RBFOX1: variants seen among roughly 807,000 people sequenced by gnomAD.
The protein encoded by RBFOX1 is RNA binding fox-1 homolog 1, also known as RNA binding protein fox-1 homolog 1.
In RBFOX1, 8 loss-of-function variants were observed where a neutral mutation model predicts 57.7. The observed-to-expected ratio is 0.14, with a 90% CI of 0.08 to 0.25. The LOEUF (loss-of-function observed/expected upper bound fraction) is 0.25. Ranked by LOEUF, RBFOX1 falls within the 10% of genes least tolerant of loss-of-function variation. RBFOX1 has a pLI of 1.00. For synonymous variants in RBFOX1, 326 were observed against 222.4 expected, an observed-to-expected ratio of 1.47 and a Z score of -4.15; for missense variants, 611 against 548.5, an observed-to-expected ratio of 1.11 and a Z score of -1.14.
intron 2 of RBFOX1, among the ~76,000 whole-genome samples, chr16:6,507,226 A>G (rs1459882637): frequency 1.3e-5 from 2 of 152,162 alleles, no homozygotes; most frequent in African/African-American, 2.4e-5. Context: ...CATTATACAC[A>G]TGATAGACAA....
intron 3 of RBFOX1, among the ~76,000 whole-genome samples, chr16:5,699,420 C>G (rs1428271641): frequency 8.3e-6 from 1 of 120,548 alleles, no homozygotes; most frequent in Admixed American, 8.4e-5. Flanking sequence ...TAGTTTATTT[C>G]TTCTATGTTC....
intron 3 of RBFOX1, among the ~76,000 whole-genome samples, chr16:6,746,518 A>G (rs1378054025): frequency 6.6e-6 from 1 of 151,994 alleles, no homozygotes; most frequent in Non-Finnish European, 1.5e-5. Flanking sequence ...CTCAACAAAA[A>G]ATACAAAAAA....
intron 4 of RBFOX1, among the ~76,000 whole-genome samples, chr16:7,195,672 C>A (rs1211451126): frequency 6.6e-6 from 1 of 152,170 alleles, no homozygotes; most frequent in Non-Finnish European, 1.5e-5. Context: ...ATAGCCTCAG[C>A]CTCCCGAGTA....
chr16:7,006,973 T>C (rs951666888), intron 3 of RBFOX1, among the ~76,000 whole-genome samples: 2 of 152,194 alleles, frequency 1.3e-5, no homozygotes, highest in African/African-American at 4.8e-5. Context: ...CTGCCAGAAG[T>C]ACCACACATT....
chr16:5,889,780 G>T (rs1258366832), intron 4 of RBFOX1, among the ~76,000 whole-genome samples: 3 of 152,330 alleles, frequency 2.0e-5, no homozygotes, highest in East Asian at 3.9e-4. Flanking sequence ...TTTTGATCAA[G>T]GCCTGAGAGA....
intron 1 of RBFOX1, among the ~76,000 whole-genome samples, chr16:5,248,556 C>A (rs1270112244): frequency 6.6e-6 from 1 of 152,172 alleles, no homozygotes; most frequent in Non-Finnish European, 1.5e-5. Context: ...CTAGACCTCA[C>A]CAGCTGAGGA....
intron 3 of RBFOX1, among the ~76,000 whole-genome samples, chr16:5,651,558 A>G (rs1171016268): frequency 6.6e-6 from 1 of 151,818 alleles, no homozygotes; most frequent in East Asian, 1.9e-4. Context: ...AGGAGTCAGC[A>G]TTTTTTCGGG....
intron 3 of RBFOX1, among the ~76,000 whole-genome samples, chr16:5,771,318 C>G (rs992569291): frequency 6.6e-6 from 1 of 152,224 alleles, no homozygotes; most frequent in Non-Finnish European, 1.5e-5. Flanking sequence ...AGGGTGAGGT[C>G]TACATGTACC....
At chr16:5,293,779 T>C (rs543493250) in intron 1 of RBFOX1, among the ~76,000 whole-genome samples, 1 of 134,028 alleles carries the variant, frequency 7.5e-6, no homozygotes, top group South Asian at 2.3e-4. Flanking sequence ...GAGTGCTTGA[T>C]GGATACAGGG....
intron 1 of RBFOX1, among the ~76,000 whole-genome samples, chr16:6,044,804 C>T (rs568561763): frequency 1.4e-4 from 21 of 152,334 alleles, no homozygotes; most frequent in African/African-American, 4.8e-4. Context: ...GTCTGGGACA[C>T]AGCCTGGTCC....
Position 5,709,155 on chromosome 16 carries a change from G to A in RBFOX1, c.318+110194G>A, listed in dbSNP as rs578123438. Among the ~76,000 whole-genome samples the A allele has an allele frequency of 3.3e-5, 5 of 152,244 alleles. No homozygotes were observed. In the South Asian group the frequency reaches 1.0e-3, roughly 32 times the overall value. ...TCCAAAAACAGTCTTGATGAATACA[G>A]CATCTGTGGATCTGTTTCTGGGCTC... On this transcript the variant is annotated intron_variant, in intron 3 of 19. Coordinates refer to the RBFOX1 transcript ENST00000641259.
Position 5,746,869 on chromosome 16 carries a change from A to G in RBFOX1, c.319-120434A>G, listed in dbSNP as rs951127618. 2.6e-5 allele frequency among the ~76,000 whole-genome samples: 4 copies of G among 152,330 alleles called. No homozygotes were observed. The East Asian group carries it at 5.8e-4, about 22-fold the overall frequency. On this transcript the variant is annotated intron_variant, in intron 3 of 19. Coordinates refer to the RBFOX1 transcript ENST00000641259. Reference sequence around the variant, plus strand: ...GATGGTGGGGTTTTCTAAATATACAATCATGTCCTGTGCAAACAGGGACAA... The same window carrying G: ...GATGGTGGGGTTTTCTAAATATACAGTCATGTCCTGTGCAAACAGGGACAA...
chr16:5,629,022 A>G (rs917137775), intron 3 of RBFOX1, among the ~76,000 whole-genome samples: 2 of 152,226 alleles, frequency 1.3e-5, no homozygotes, highest in East Asian at 1.9e-4. Flanking sequence ...GATGCCATCC[A>G]GGCCCCAAGC....
chr16:5,589,279 G>A (rs1338521610), intron 2 of RBFOX1, among the ~76,000 whole-genome samples: 1 of 152,180 alleles, frequency 6.6e-6, no homozygotes, highest in Non-Finnish European at 1.5e-5. Flanking sequence ...TGCATGGTTT[G>A]TACAAGGAAG....
rs550540102 is a variant in RBFOX1 at position 7,248,380 on chromosome 16, G to A, written c.27+196282G>A. ...TCTTCTAGTAGGATGCCCTATGTGG[G>A]TATCAGAATACATTTGTGCAGAATC... is the stretch of plus-strand genomic sequence containing the variant. On this transcript the variant is annotated intron_variant, in intron 4 of 15. Transcript: ENST00000550418. Among the ~76,000 whole-genome samples the A allele has an allele frequency of 1.7e-4, 26 of 152,296 alleles. No individual in the cohort carries two copies. In the South Asian group the frequency reaches 5.4e-3, roughly 32 times the overall value.
chr16:5,381,991 C>T (rs1456569361), intron 1 of RBFOX1, among the ~76,000 whole-genome samples: 2 of 152,220 alleles, frequency 1.3e-5, no homozygotes, highest in Non-Finnish European at 2.9e-5. Flanking sequence ...CAGTGGACGT[C>T]AGTAGCATCT....
intron 4 of RBFOX1, among the ~76,000 whole-genome samples, chr16:7,242,664 C>T (rs181466153): frequency 1.3e-5 from 2 of 152,284 alleles, no homozygotes; most frequent in Admixed American, 6.5e-5. Flanking sequence ...GTCCAACATC[C>T]GTGCTTCGTG....
intron 2 of RBFOX1, among the ~76,000 whole-genome samples, chr16:6,401,033 A>G (rs924346438): frequency 6.6e-6 from 1 of 152,252 alleles, no homozygotes; most frequent in African/African-American, 2.4e-5. Context: ...AATCAGCACA[A>G]CTAGCTCCCA....
chr16:6,216,823 T>C (rs2097338659), intron 1 of RBFOX1, among the ~76,000 whole-genome samples: 1 of 152,218 alleles, frequency 6.6e-6, no homozygotes, highest in South Asian at 2.1e-4. Flanking sequence ...TTTTTTAAAA[T>C]GCAGCTTCAC....
Sources: gnomAD v4.1 joint callset for allele counts (sites outside exome capture counted in the v4.1 genomes callset) on GRCh38, gnomAD v4.1.1 for gene constraint, MANE v1.5 for transcripts, NCBI Gene and HGNC (gene_info 2026-07-23, HGNC 2026-07-21) for gene names.